The following ST7 variants were observed in gnomAD, a reference collection of about 807,000 sequenced individuals.
ST7 encodes suppressor of tumorigenicity 7 protein.
In ST7, 28 loss-of-function variants were observed where a neutral mutation model predicts 78.7. The observed-to-expected ratio is 0.36, with a 90% CI of 0.26 to 0.49. The LOEUF (loss-of-function observed/expected upper bound fraction) is 0.49. Among genes scored for constraint, ST7 ranks in the 20% least tolerant of loss-of-function variants. The probability of loss-of-function intolerance (pLI) is 0.99; values close to 1 mark genes in which losing one functional copy is unlikely to be tolerated. For synonymous variants in ST7, 247 were observed against 249.6 expected (o/e 0.99, Z 0.10); for missense variants, 418 against 696.0 (o/e 0.60, Z 4.49).
intron 9 of ST7, among the ~76,000 whole-genome samples, chr7:117,139,505 G>A (rs1411523854): frequency 5.3e-5 from 8 of 152,008 alleles, no homozygotes; most frequent in African/African-American, 7.3e-5. Flanking sequence ...GTGAATTCCC[G>A]GTTACTCTTT....
intron 1 of ST7, among the ~76,000 whole-genome samples, chr7:116,983,828 C>T (rs1938389480): frequency 6.6e-6 from 1 of 152,112 alleles, no homozygotes; most frequent in Non-Finnish European, 1.5e-5. Context: ...TCTCCTCTCA[C>T]CCCTTTCTCT....
intron 12 of ST7, among the ~76,000 whole-genome samples, chr7:117,207,454 T>G (rs2115995033): frequency 6.6e-6 from 1 of 152,274 alleles, no homozygotes; most frequent in African/African-American, 2.4e-5. Flanking sequence ...GCTAGTTTAT[T>G]TTCTACCCAC....
intron 2 of ST7, among the ~76,000 whole-genome samples, chr7:117,110,236 A>C (rs1261180238): frequency 6.6e-6 from 1 of 152,246 alleles, no homozygotes; most frequent in Non-Finnish European, 1.5e-5. Flanking sequence ...GTAAGCAAAT[A>C]GAAAAAAAGA....
At chr7:116,954,928 T>C in intron 1 of ST7, 1 of 286,988 alleles carries the variant, frequency 3.5e-6, no homozygotes, top group South Asian at 3.1e-5. Context: ...TTAAGTATTT[T>C]GATTACTAAC....
In ST7 at chr7:117,151,069, A is replaced by T. The variant is rs1354981104; in HGVS notation, c.963+12537A>T. Among the ~76,000 whole-genome samples the T allele has an allele frequency of 2.0e-5, 3 of 152,324 alleles. No individual in the cohort carries two copies. In the South Asian group the frequency reaches 6.2e-4, roughly 32 times the overall value. ...TGCTGAAATCCTCATTCAGGTTACC[A>T]CTGTCTTTCATCTCAGCTATGCAGT... On this transcript the variant is annotated intron_variant, in intron 9 of 15. Coordinates refer to ENST00000323984, the MANE Select transcript of ST7 (RefSeq NM_001369598.1).
chr7:116,966,187 C>T (rs74837525), intron 1 of ST7: 27,404 of 334,922 alleles, frequency 0.082, 1,268 homozygotes, highest in East Asian at 0.13. Flanking sequence ...GTGGATTACA[C>T]TTATTTGTTG....
At chr7:117,016,315 C>T (rs1000385637) in intron 1 of ST7, among the ~76,000 whole-genome samples, 1 of 152,116 alleles carries the variant, frequency 6.6e-6, no homozygotes, top group Non-Finnish European at 1.5e-5. Context: ...TGTGGTACTA[C>T]ATTGAAGCAG....
chr7:117,077,588 A>G (rs1799441562), intron 1 of ST7, among the ~76,000 whole-genome samples: 1 of 152,188 alleles, frequency 6.6e-6, no homozygotes, highest in South Asian at 2.1e-4. Flanking sequence ...CTCTGCTTTT[A>G]TGCTACTGCA....
At chr7:117,171,644 A>T (rs1276327464) in intron 10 of ST7, among the ~76,000 whole-genome samples, 1 of 151,606 alleles carries the variant, frequency 6.6e-6, no homozygotes, top group Non-Finnish European at 1.5e-5. Flanking sequence ...TCTAATGCTC[A>T]TATTGTCATT....
intron 12 of ST7, among the ~76,000 whole-genome samples, chr7:117,195,998 G>C (rs1810273875): frequency 6.6e-6 from 1 of 152,150 alleles, no homozygotes; most frequent in Non-Finnish European, 1.5e-5. Flanking sequence ...CCTCATATCA[G>C]TGGAATCATG....
intron 1 of ST7, among the ~76,000 whole-genome samples, chr7:116,974,974 C>A (rs1225720167): frequency 6.6e-6 from 1 of 152,102 alleles, no homozygotes; most frequent in Non-Finnish European, 1.5e-5. Flanking sequence ...CTCAATTCTG[C>A]CCTGATTATA....
intron 4 of ST7, 75 bp from the exon 5 acceptor site, chr7:117,130,416 C>T: frequency 9.3e-7 from 1 of 1,078,792 alleles, no homozygotes; most frequent in Non-Finnish European, 1.4e-6. Flanking sequence ...ATTTCAACGC[C>T]TCTGCAGCTT....
intron 2 of ST7, among the ~76,000 whole-genome samples, chr7:117,109,023 T>A (rs564735447): frequency 9.5e-4 from 144 of 152,292 alleles, no homozygotes; most frequent in Non-Finnish European, 1.6e-3. Flanking sequence ...GTTTTCTAGG[T>A]ATATGATCAT....
At chr7:117,156,566 A>AT (rs755480268) in intron 9 of ST7, among the ~76,000 whole-genome samples, 85 of 152,186 alleles carry the variant, frequency 5.6e-4, no homozygotes, top group Middle Eastern at 3.2e-3. Flanking sequence ...ATTTAAAGCC[A>AT]TGATGTTGAA....
intron 9 of ST7, among the ~76,000 whole-genome samples, chr7:117,170,084 T>C (rs1032429368): frequency 2.0e-5 from 3 of 152,204 alleles, no homozygotes; most frequent in African/African-American, 4.8e-5. Flanking sequence ...GAAAGGGTAA[T>C]GCCCCCTTGT....
At chr7:116,972,707 G>T in intron 1 of ST7, 1 of 927,018 alleles carries the variant, frequency 1.1e-6, no homozygotes. Context: ...GTGGCTGGGC[G>T]CTCCTGAGCA....
At chr7:117,044,352 G>A (rs1172672149) in intron 1 of ST7, among the ~76,000 whole-genome samples, 1 of 152,086 alleles carries the variant, frequency 6.6e-6, no homozygotes, top group Non-Finnish European at 1.5e-5. Flanking sequence ...TAGGTGCTTT[G>A]TATATTCATG....
chr7:116,973,611 C>T (rs1373911341), intron 1 of ST7, among the ~76,000 whole-genome samples: 1 of 152,202 alleles, frequency 6.6e-6, no homozygotes, highest in Non-Finnish European at 1.5e-5. Flanking sequence ...TCCTACATCC[C>T]TTTCCCCACA....
chr7:117,219,175 A>G lies in ST7; in HGVS notation c.1497A>G (p.Pro499=), dbSNP rs1475115798. The change falls in exon 14 of 16, where the codon CCA becomes CCG. Residue 499 remains proline (P), a splice_region_variant and synonymous_variant. Coordinates refer to ENST00000323984, the MANE Select transcript of ST7 (RefSeq NM_001369598.1). This position sits in a 1 kb window ranked among gnomAD's most constrained non-coding sequence, Gnocchi z 5.1. ...CTETADRELL[P]SFHEVSVYPK... ...AAACAGCAGACCGAGAGCTGCTTCC[A>G]TGTAAGTCTCACCTCTCTTCAGCCA... 6.2e-7 allele frequency: 1 copy of G among 1,611,912 alleles called. No individual in the cohort carries two copies. The highest frequency in any genetic ancestry group is 8.5e-7 in the Non-Finnish European group (1 of 1,178,834).
Sources: allele counts gnomAD v4.1 joint callset (sites outside exome capture counted in the v4.1 genomes callset), GRCh38; gene constraint gnomAD v4.1.1; non-coding constraint Gnocchi (gnomAD v3.1); transcripts MANE v1.5; gene names NCBI Gene and HGNC (gene_info 2026-07-23, HGNC 2026-07-21).